Variants in BRCA1 observed in about 807,000 individuals in gnomAD.
BRCA1 encodes breast cancer type 1 susceptibility protein.
In BRCA1, 140 loss-of-function variants were observed where a neutral mutation model predicts 173.7. The ratio of observed to expected loss-of-function variants is 0.81; its 90% CI spans 0.70 to 0.93. The LOEUF (loss-of-function observed/expected upper bound fraction) is 0.93. Ranked by LOEUF, BRCA1 falls within the 40% of genes least tolerant of loss-of-function variation. BRCA1 has a pLI of 0.00. For synonymous variants in BRCA1, 662 were observed against 756.0 expected, an observed-to-expected ratio of 0.88 and a Z score of 2.04; for missense variants, 1,983 against 2,172.5, an observed-to-expected ratio of 0.91 and a Z score of 1.73.
At chr17:43,148,099 G>C (rs1253353744) in intron 1 of BRCA1, among the ~76,000 whole-genome samples, 4 of 152,072 alleles carry the variant, frequency 2.6e-5, no homozygotes. Context: ...TGAGGGCAGA[G>C]TTCTAAGCTC....
At position 43,107,474 on chromosome 17, in the gene BRCA1, A is replaced by C. The variant is rs8176125; in HGVS notation, c.135-941T>G. Among the ~76,000 whole-genome samples, 3 of 145,016 alleles carry C rather than the reference A, an allele frequency of 2.1e-5. No individual in the cohort carries two copies. In the Admixed American group the frequency reaches 2.1e-4, roughly 10 times the overall value. ...CAGCTCACTACAACCTCCACCTCCT[A>C]GGCTCAAGCAATTCTCGTGCCTCAG... On this transcript the variant is annotated intron_variant, in intron 3 of 22. Coordinates refer to ENST00000357654, the MANE Select transcript of BRCA1 (RefSeq NM_007294.4).
At chr17:43,072,855 ACCACG>A (rs2153960467) in intron 14 of BRCA1, among the ~76,000 whole-genome samples, 1 of 148,002 alleles carries the variant, frequency 6.8e-6, no homozygotes, top group South Asian at 2.1e-4. Flanking sequence ...TAAGCCACCC[ACCACG>A]CCTGGCCCCA....
intron 14 of BRCA1, among the ~76,000 whole-genome samples, chr17:43,073,210 T>C (rs1341408369): frequency 1.3e-5 from 2 of 151,964 alleles, no homozygotes; most frequent in Admixed American, 1.3e-4. Context: ...ATTGTCCAAT[T>C]TGGGGGCAAT....
intron 12 of BRCA1, among the ~76,000 whole-genome samples, chr17:43,078,237 C>G (rs1440339333): frequency 1.3e-5 from 2 of 152,208 alleles, no homozygotes; most frequent in South Asian, 4.1e-4. Context: ...GTGCCCACCA[C>G]CACCCCTTGG....
chr17:43,057,984 C>T (rs1002879640), intron 18 of BRCA1, among the ~76,000 whole-genome samples: 2 of 134,262 alleles, frequency 1.5e-5, no homozygotes, highest in African/African-American at 5.9e-5. Context: ...CATGCCACTG[C>T]ACTCCAGCCT....
intron 3 of BRCA1, among the ~76,000 whole-genome samples, chr17:43,112,817 T>A (rs1358477580): frequency 1.3e-5 from 2 of 150,574 alleles, no homozygotes; most frequent in Non-Finnish European, 3.0e-5. Flanking sequence ...TTGTTTTTTT[T>A]TTTTGAGACA....
chr17:43,128,753 G>A (rs1473506933), upstream of BRCA1, among the ~76,000 whole-genome samples: 4 of 151,806 alleles, frequency 2.6e-5, no homozygotes, highest in Non-Finnish European at 5.9e-5. Context: ...TCTTGGTTAG[G>A]GACCTTTGGT....
At chr17:43,135,285 A>G (rs528362781) in intron 1 of BRCA1, among the ~76,000 whole-genome samples, 14 of 145,760 alleles carry the variant, frequency 9.6e-5, no homozygotes, top group African/African-American at 3.4e-4. Flanking sequence ...GCAGGGAGCC[A>G]CAGAGCGCAG....
intron 6 of BRCA1, among the ~76,000 whole-genome samples, chr17:43,100,686 T>TATATA (rs2054426630): frequency 1.7e-4 from 3 of 17,416 alleles, no homozygotes; most frequent in African/African-American, 3.3e-4. Flanking sequence ...ATAATATATA[T>TATATA]ATATATATAT....
Position 43,093,687 on chromosome 17 carries a change from G to T in BRCA1, c.1844C>A (p.Ser615Tyr), listed in dbSNP as rs398122645. ...APKKNRLRRK[S>Y]STRHIHALEL... The stretch of plus-strand genomic sequence containing the variant: ...AAGCGCATGAATATGCCTGGTAGAA[G>T]ACTTCCTCCTCAGCCTATTCTTTTT... Residue 615 changes from serine to tyrosine, a missense_variant, in exon 10 of 23, where the codon TCT becomes TAT. Physicochemically the swap from Ser to Tyr is moderately radical, Grantham distance 144. Transcript: ENST00000357654. 1.9e-6 allele frequency: 3 copies of T among 1,614,078 alleles called. No homozygotes were observed. In the South Asian group the frequency reaches 3.3e-5, roughly 18 times the overall value.
Position 43,047,703 on chromosome 17 carries a change from C to G in BRCA1, c.5407G>C (p.Gly1803Arg), listed in dbSNP as rs876659510. 1 of 1,613,996 alleles carries G rather than the reference C, an allele frequency of 6.2e-7. No homozygotes were observed. Among genetic ancestry groups the G allele is most frequent in the African/African-American group, 1.3e-5 (1 of 74,904 alleles). The part of the protein sequence containing the change: ...KELSSFTLGT[G>R]VHPIVVVQPD... The stretch of plus-strand genomic sequence containing the variant: ...TGCACAACCACAATTGGGTGGACAC[C>G]CTGGATCCCCAGGAAGGAAAGAGCA... The change falls in exon 22 of 23, where the codon GGT (glycine) becomes CGT (arginine). Residue 1803 changes from glycine (G) to arginine (R), a missense_variant and splice_region_variant. By Grantham distance (125) the Gly-to-Arg change is moderately radical. Transcript: ENST00000357654.
intron 1 of BRCA1, chr17:43,138,072 AGCT>A: frequency 6.3e-6 from 1 of 158,652 alleles, no homozygotes; most frequent in Admixed American, 6.0e-5. Flanking sequence ...CTGTAATTCC[AGCT>A]ACTAGGGAGG....
At chr17:43,087,083 A>C (rs1189520639) in intron 11 of BRCA1, among the ~76,000 whole-genome samples, 1 of 152,252 alleles carries the variant, frequency 6.6e-6, no homozygotes, top group Non-Finnish European at 1.5e-5. Flanking sequence ...GAACTATCAT[A>C]TACCACAGGG....
intron 1 of BRCA1, chr17:43,145,324 T>TCTTA (rs1290030916): frequency 1.9e-6 from 1 of 514,678 alleles, no homozygotes; most frequent in Admixed American, 2.9e-5. Flanking sequence ...GAATTTTTTT[T>TCTTA]CTTTCTTTTT....
intron 13 of BRCA1, among the ~76,000 whole-genome samples, chr17:43,075,047 G>GGGAAA (rs1211237475): frequency 2.1e-5 from 3 of 142,804 alleles, no homozygotes; most frequent in South Asian, 4.7e-4. Context: ...AAGGAAGGGA[G>GGGAAA]GGAAAGGAAA....
intron 19 of BRCA1, among the ~76,000 whole-genome samples, chr17:43,056,210 G>A (rs2051450580): frequency 6.8e-6 from 1 of 145,996 alleles, no homozygotes. Context: ...TCTTCTGTCT[G>A]TCGTCTAGGC....
intron 6 of BRCA1, among the ~76,000 whole-genome samples, chr17:43,102,020 A>C (rs1375651768): frequency 2.0e-5 from 3 of 151,904 alleles, no homozygotes; most frequent in African/African-American, 7.3e-5. Flanking sequence ...CTCCAGCCTC[A>C]GCCTCCCAAG....
Position 43,100,629 on chromosome 17 carries a change from ATGTT to A in BRCA1, c.442-753_442-750del, listed in dbSNP as rs1201407012. Among the ~76,000 whole-genome samples, 78 of 67,098 alleles carry A rather than the reference ATGTT, an allele frequency of 1.2e-3. 5 individuals carry two copies. The highest frequency in any genetic ancestry group is 3.8e-3 in the African/African-American group (44 of 11,596). The allele number at this position is 67,098 out of a possible 152,430, so 44.0% of individuals were successfully genotyped here. On this transcript the variant is annotated intron_variant, in intron 6 of 22. Transcript: ENST00000357654. ...TATAACATATATATAACATATATAT[ATGTT>A]ATATATATATAACATATATATAACA...
intron 13 of BRCA1, among the ~76,000 whole-genome samples, chr17:43,075,625 C>T (rs1054276171): frequency 3.3e-5 from 5 of 151,664 alleles, no homozygotes; most frequent in Non-Finnish European, 5.9e-5. Flanking sequence ...TGCAATGGCA[C>T]GGTCCCAGCT....
Sources: allele counts gnomAD v4.1 joint callset (sites outside exome capture counted in the v4.1 genomes callset), GRCh38; gene constraint gnomAD v4.1.1; transcripts MANE v1.5; gene names NCBI Gene and HGNC (gene_info 2026-07-23, HGNC 2026-07-21).